Variants in DLGAP2 observed in about 807,000 individuals in gnomAD.
The protein encoded by DLGAP2 is DLG associated protein 2, also known as disks large-associated protein 2.
A neutral mutation model predicts 100.3 loss-of-function variants in DLGAP2; 26 were observed. The ratio of observed to expected loss-of-function variants is 0.26; its 90% CI spans 0.19 to 0.36. The LOEUF is 0.36. Among genes scored for constraint, DLGAP2 ranks in the 10% least tolerant of loss-of-function variants. The pLI is 1.00. For synonymous variants in DLGAP2, 886 were observed against 630.1 expected (o/e 1.41, Z -6.08); for missense variants, 1,858 against 1,453.2 (o/e 1.28, Z -4.53).
chr8:771,372 G>C (rs1821355210), intron 1 of DLGAP2, among the ~76,000 whole-genome samples: 1 of 152,206 alleles, frequency 6.6e-6, no homozygotes, highest in Admixed American at 6.5e-5. Flanking sequence ...TTATTAGGTA[G>C]ATCTCCCTTA....
chr8:1,125,373 GA>G (rs983239328), intron 2 of DLGAP2, among the ~76,000 whole-genome samples: 8 of 151,882 alleles, frequency 5.3e-5, no homozygotes, highest in African/African-American at 1.9e-4. Context: ...TTTTTTTATG[GA>G]AAAAAATGAG....
rs1799592198 is a variant in DLGAP2, at chr8:1,702,174, G to T, written c.*768G>T. Reference sequence around the variant, plus strand: ...GAGAGGAGAGTCTTACGGAGGGCTGGGAGCTTAAAAGGAAAACAATGTCCT... The same window carrying T: ...GAGAGGAGAGTCTTACGGAGGGCTGTGAGCTTAAAAGGAAAACAATGTCCT... On this transcript the variant is annotated 3_prime_UTR_variant, in exon 15 of 15. Transcript: ENST00000637795. 1 of 152,084 alleles carries T rather than the reference G, an allele frequency of 6.6e-6. No individual in the cohort carries two copies. The highest frequency in any genetic ancestry group is 6.6e-5 in the Admixed American group (1 of 15,262). The allele number at this position is 152,084 out of a possible 1,614,324, so 9.4% of individuals were successfully genotyped here.
At position 932,706 on chromosome 8, in the gene DLGAP2, C is replaced by G. The variant is rs191689467; in HGVS notation, c.73+24740C>G. On this transcript the variant is annotated intron_variant, in intron 2 of 14. Transcript: ENST00000637795. ...ATTACATGAAAGACAGAGAAAGAAT[C>G]GTGAACATAAAATGTCAGGGTTTGG... Among the ~76,000 whole-genome samples the G allele has an allele frequency of 7.2e-5, 11 of 152,114 alleles. No homozygotes were observed. In the East Asian group the frequency reaches 2.1e-3, roughly 29 times the overall value.
At chr8:1,140,588 G>A (rs781207664) in intron 2 of DLGAP2, among the ~76,000 whole-genome samples, 1 of 152,048 alleles carries the variant, frequency 6.6e-6, no homozygotes, top group Non-Finnish European at 1.5e-5. Context: ...TAGGGCTCTG[G>A]CCCTGACCCT....
intron 1 of DLGAP2, among the ~76,000 whole-genome samples, chr8:891,910 G>A (rs990291575): frequency 2.6e-5 from 4 of 152,182 alleles, no homozygotes; most frequent in Non-Finnish European, 5.9e-5. Context: ...GACTGGGGCC[G>A]CATCCACAGG....
At chr8:1,535,455 G>A (rs1034736066) in intron 4 of DLGAP2, among the ~76,000 whole-genome samples, 5 of 152,180 alleles carry the variant, frequency 3.3e-5, no homozygotes, top group Admixed American at 1.3e-4. Flanking sequence ...AGGATTTTAC[G>A]GGGCTGAGTG....
intron 2 of DLGAP2, among the ~76,000 whole-genome samples, chr8:1,132,732 G>C (rs933542861): frequency 1.3e-5 from 2 of 152,184 alleles, no homozygotes; most frequent in African/African-American, 4.8e-5. Flanking sequence ...GATTTTTAAA[G>C]GTAGGGTTGC....
intron 6 of DLGAP2, among the ~76,000 whole-genome samples, chr8:1,574,512 T>G (rs1439742883): frequency 6.6e-6 from 1 of 152,060 alleles, no homozygotes; most frequent in African/African-American, 2.4e-5. Flanking sequence ...CAGCAGAATC[T>G]CCCCTCGGTG....
intron 2 of DLGAP2, among the ~76,000 whole-genome samples, chr8:1,010,149 A>C (rs1049818716): frequency 6.6e-6 from 1 of 152,246 alleles, no homozygotes; most frequent in Non-Finnish European, 1.5e-5. Context: ...AACTACATAT[A>C]TGCACACACA....
chr8:1,195,676 T>C (rs1034707873), intron 2 of DLGAP2, among the ~76,000 whole-genome samples: 1 of 152,222 alleles, frequency 6.6e-6, no homozygotes, highest in Admixed American at 6.5e-5. Flanking sequence ...TTTTTGTTTA[T>C]GGACGTCTTA....
chr8:1,651,894 A>C (rs1006739026), intron 8 of DLGAP2, among the ~76,000 whole-genome samples: 3 of 152,176 alleles, frequency 2.0e-5, no homozygotes, highest in African/African-American at 4.8e-5. Context: ...ACCTCTGGTC[A>C]GACATTCCTC....
At chr8:1,572,676 G>C (rs1007040378) in intron 6 of DLGAP2, among the ~76,000 whole-genome samples, 6 of 125,658 alleles carry the variant, frequency 4.8e-5, no homozygotes, top group Non-Finnish European at 1.7e-5. Context: ...CTTCTGGGAT[G>C]GAGAGGAGAG....
At chr8:1,054,223 C>T (rs911707693) in intron 2 of DLGAP2, among the ~76,000 whole-genome samples, 9 of 152,116 alleles carry the variant, frequency 5.9e-5, no homozygotes, top group South Asian at 2.1e-4. Flanking sequence ...CGCATGCGCA[C>T]ACACATGTAT....
Position 1,009,927 on chromosome 8 carries a change from G to A in DLGAP2, c.73+101961G>A, listed in dbSNP as rs898098098. On this transcript the variant is annotated intron_variant, in intron 2 of 14. Coordinates refer to ENST00000637795, the MANE Select transcript of DLGAP2 (RefSeq NM_001346810.2). ...TGGTTTTTCATTAACAAGCCAGTAA[G>A]GTCTTGTGTTTTTGCACAGTTGATT... is the stretch of plus-strand genomic sequence containing the variant. Among the ~76,000 whole-genome samples the A allele has an allele frequency of 2.0e-5, 3 of 152,174 alleles. No homozygotes were observed. In the South Asian group the frequency reaches 6.2e-4, roughly 31 times the overall value.
At chr8:921,206 C>T (rs558275626) in intron 2 of DLGAP2, among the ~76,000 whole-genome samples, 1 of 152,022 alleles carries the variant, frequency 6.6e-6, no homozygotes, top group East Asian at 1.9e-4. Context: ...ACTTTTTTTC[C>T]CAAGACTAGA....
intron 2 of DLGAP2, among the ~76,000 whole-genome samples, chr8:1,202,609 G>A (rs573086580): frequency 6.6e-5 from 10 of 152,284 alleles, no homozygotes; most frequent in East Asian, 5.8e-4. Flanking sequence ...GCCGTAACAC[G>A]GGACAGTCAC....
intron 4 of DLGAP2, among the ~76,000 whole-genome samples, chr8:1,526,114 G>T (rs1800781984): frequency 6.6e-6 from 1 of 151,328 alleles, no homozygotes. Context: ...GAGTAACAAT[G>T]TAATGACAAT....
chr8:1,266,350 C>T (rs1799450798), intron 3 of DLGAP2, among the ~76,000 whole-genome samples: 2 of 152,300 alleles, frequency 1.3e-5, no homozygotes, highest in South Asian at 2.1e-4. Flanking sequence ...AGCGCAGATT[C>T]ACCTGGGTGA....
At chr8:1,342,423 A>C (rs1306541635) in intron 3 of DLGAP2, among the ~76,000 whole-genome samples, 1 of 152,196 alleles carries the variant, frequency 6.6e-6, no homozygotes, top group African/African-American at 2.4e-5. Context: ...TGTAGTGTAC[A>C]TAGTGTTGAC....
Sources: gnomAD v4.1 joint callset for allele counts (sites outside exome capture counted in the v4.1 genomes callset) on GRCh38, gnomAD v4.1.1 for gene constraint, MANE v1.5 for transcripts, NCBI Gene and HGNC (gene_info 2026-07-23, HGNC 2026-07-21) for gene names.